The following RAP1GAP2 variants were observed in gnomAD, a reference collection of about 807,000 sequenced individuals.
RAP1GAP2 encodes rap1 GTPase-activating protein 2.
In RAP1GAP2, 27 loss-of-function variants were observed where a neutral mutation model predicts 95.0. The ratio of observed to expected loss-of-function variants is 0.28; its 90% CI spans 0.21 to 0.39. The LOEUF (loss-of-function observed/expected upper bound fraction) is 0.39, where lower values mean the gene tolerates loss of function less well. RAP1GAP2 is among the 10% of genes least tolerant of loss of function. The pLI is 1.00. For synonymous variants in RAP1GAP2, 373 were observed against 380.9 expected (o/e 0.98, Z 0.24); for missense variants, 771 against 970.0 (o/e 0.79, Z 2.72).
chr17:2,844,757 G>A lies in RAP1GAP2; in HGVS notation c.80+44207G>A, dbSNP rs2071514035. Among the ~76,000 whole-genome samples, 3 of 152,282 alleles carry A rather than the reference G, an allele frequency of 2.0e-5. No homozygotes were observed. The South Asian group carries it at 6.2e-4, about 32-fold the overall frequency. On this transcript the variant is annotated intron_variant, in intron 2 of 24. Coordinates refer to ENST00000254695, the MANE Select transcript of RAP1GAP2 (RefSeq NM_015085.5). ...CACGAAGGAAACTGTCGTTGGCTAA[G>A]CCAAGCCGGAAAGTCTTTGATTACA...
At chr17:2,937,764 G>A (rs1249046447) in intron 3 of RAP1GAP2, among the ~76,000 whole-genome samples, 3 of 152,204 alleles carry the variant, frequency 2.0e-5, no homozygotes, top group Non-Finnish European at 4.4e-5. Flanking sequence ...GCTTCCAAAG[G>A]AAGTGAGGTG....
At chr17:2,954,748 C>G (rs1192357198) in intron 3 of RAP1GAP2, among the ~76,000 whole-genome samples, 1 of 151,988 alleles carries the variant, frequency 6.6e-6, no homozygotes, top group Non-Finnish European at 1.5e-5. Flanking sequence ...TACCCGCCGC[C>G]AAGCCCAGCT....
At chr17:2,865,197 A>C (rs1232971083) in intron 2 of RAP1GAP2, among the ~76,000 whole-genome samples, 1 of 152,100 alleles carries the variant, frequency 6.6e-6, no homozygotes, top group East Asian at 1.9e-4. Flanking sequence ...CAGTCCAATG[A>C]AGTAGATTGA....
intron 2 of RAP1GAP2, among the ~76,000 whole-genome samples, chr17:2,819,662 C>T (rs996574568): frequency 6.6e-5 from 10 of 151,514 alleles, no homozygotes; most frequent in South Asian, 2.1e-4. Context: ...TTGGTAGAGA[C>T]GGGGTTTTTT....
At chr17:3,016,238 T>C (rs529099719) in intron 17 of RAP1GAP2, among the ~76,000 whole-genome samples, 2 of 152,338 alleles carry the variant, frequency 1.3e-5, no homozygotes, top group South Asian at 4.1e-4. Context: ...AAATCTTTTT[T>C]GGGAATCATT....
intron 1 of RAP1GAP2, among the ~76,000 whole-genome samples, chr17:2,777,697 C>T (rs1379213745): frequency 6.6e-6 from 1 of 152,172 alleles, no homozygotes; most frequent in Non-Finnish European, 1.5e-5. Context: ...TGTTAACAAA[C>T]CTGAAGGGCA....
chr17:2,840,678 A>C (rs2071337975), intron 2 of RAP1GAP2, among the ~76,000 whole-genome samples: 1 of 152,130 alleles, frequency 6.6e-6, no homozygotes. Context: ...ATTTATGAGA[A>C]ATGATTATAT....
At chr17:2,806,133 G>T (rs574429644) in intron 2 of RAP1GAP2, among the ~76,000 whole-genome samples, 1 of 152,160 alleles carries the variant, frequency 6.6e-6, no homozygotes, top group Non-Finnish European at 1.5e-5. Flanking sequence ...CAGCATGTCA[G>T]TTCTACTGTG....
At chr17:2,877,595 C>T (rs757550239) in intron 2 of RAP1GAP2, among the ~76,000 whole-genome samples, 2 of 152,038 alleles carry the variant, frequency 1.3e-5, no homozygotes, top group Non-Finnish European at 2.9e-5. Flanking sequence ...TAAAAAAACA[C>T]AAAAAATTAA....
chr17:2,816,324 C>T (rs1343125902), intron 2 of RAP1GAP2, among the ~76,000 whole-genome samples: 2 of 150,508 alleles, frequency 1.3e-5, no homozygotes, highest in Non-Finnish European at 1.5e-5. Context: ...TTCTCATTTT[C>T]ATCAAACCCT....
Position 2,906,669 on chromosome 17 carries a change from G to A in RAP1GAP2, c.165+1301G>A, listed in dbSNP as rs530105969. Among the ~76,000 whole-genome samples, 17 of 152,160 alleles carry A rather than the reference G, an allele frequency of 1.1e-4. No individual in the cohort carries two copies. The highest frequency in any genetic ancestry group is 3.9e-4 in the African/African-American group (16 of 41,518). On this transcript the variant is annotated intron_variant, in intron 3 of 24. Transcript: ENST00000254695. This position sits in a 1 kb window ranked among gnomAD's most constrained non-coding sequence, Gnocchi z 4.3. ...ATGCTAAGAAGCCTGTCACCATTCC[G>A]AGTGTCCCCTTGGTCTACAAAGGTG...
At chr17:2,818,468 T>C (rs1022290544) in intron 2 of RAP1GAP2, among the ~76,000 whole-genome samples, 4 of 152,028 alleles carry the variant, frequency 2.6e-5, no homozygotes, top group Admixed American at 6.6e-5. Flanking sequence ...GGATTACAAG[T>C]GCGTGCCACC....
intron 3 of RAP1GAP2, among the ~76,000 whole-genome samples, chr17:2,922,941 C>T (rs946021956): frequency 5.3e-5 from 8 of 150,802 alleles, no homozygotes; most frequent in Admixed American, 2.0e-4. Context: ...GCTCATGGCA[C>T]GACCTTGGCT....
At chr17:2,757,895 A>T (rs866166598) in intron 1 of RAP1GAP2, among the ~76,000 whole-genome samples, 3 of 146,856 alleles carry the variant, frequency 2.0e-5, no homozygotes, top group South Asian at 4.3e-4. Flanking sequence ...TTTGAGATGG[A>T]GTCTCACACT....
chr17:2,979,594 G>C (rs2045273733), intron 8 of RAP1GAP2, among the ~76,000 whole-genome samples: 1 of 150,368 alleles, frequency 6.7e-6, no homozygotes, highest in Non-Finnish European at 1.5e-5. Flanking sequence ...AGCCTCCCAA[G>C]TAGCTGGGAT....
At position 3,004,246 on chromosome 17, in the gene RAP1GAP2, G is replaced by A. The variant is rs1410301927; in HGVS notation, c.1201-1123G>A. Among the ~76,000 whole-genome samples the A allele has an allele frequency of 6.6e-6, 1 of 152,256 alleles. No homozygotes were observed. Among genetic ancestry groups the A allele is most frequent in the Non-Finnish European group, 1.5e-5 (1 of 68,040 alleles). ...AACGCGCACCATTTCCTGACTCGGG[G>A]CACTGCAGTTTGGGCTGGGCAGACA... On this transcript the variant is annotated intron_variant, in intron 14 of 24. Transcript: ENST00000254695. The surrounding 1 kb of genome is among the most constrained non-coding windows in gnomAD (Gnocchi z 4.1).
At chr17:2,770,526 C>T (rs533117002) in intron 2 of RAP1GAP2, 66 of 398,036 alleles carry the variant, frequency 1.7e-4, no homozygotes, top group South Asian at 9.2e-4. Flanking sequence ...AAGTGAGCTC[C>T]GCACTGGTCC....
At chr17:2,780,558 C>A (rs188020660) in intron 1 of RAP1GAP2, among the ~76,000 whole-genome samples, 2 of 152,184 alleles carry the variant, frequency 1.3e-5, no homozygotes, top group Non-Finnish European at 2.9e-5. Flanking sequence ...AATGTGCACC[C>A]CCCCCAGGAG....
chr17:2,859,534 C>T (rs375960091), intron 2 of RAP1GAP2, among the ~76,000 whole-genome samples: 20 of 152,212 alleles, frequency 1.3e-4, no homozygotes, highest in African/African-American at 3.6e-4. Flanking sequence ...CTCCTGGGCT[C>T]GAGTGATTCT....
Sources: gnomAD v4.1 joint callset for allele counts (sites outside exome capture counted in the v4.1 genomes callset) on GRCh38, gnomAD v4.1.1 for gene constraint, Gnocchi (gnomAD v3.1) non-coding constraint, MANE v1.5 for transcripts, NCBI Gene and HGNC (gene_info 2026-07-23, HGNC 2026-07-21) for gene names.